RAB11FIP4: variants seen among roughly 807,000 people sequenced by gnomAD.
The protein encoded by RAB11FIP4 is RAB11 family interacting protein 4, also known as rab11 family-interacting protein 4.
Under a neutral mutation model 74.3 loss-of-function variants are expected in RAB11FIP4, and 23 were observed. That is an observed-to-expected ratio of 0.31 (90% confidence interval 0.22 to 0.44). The LOEUF (loss-of-function observed/expected upper bound fraction) is 0.44, where lower values mean the gene tolerates loss of function less well. Among genes scored for constraint, RAB11FIP4 ranks in the 20% least tolerant of loss-of-function variants. The pLI is 1.00. For synonymous variants in RAB11FIP4, 360 were observed against 359.9 expected, an observed-to-expected ratio of 1.00 and a Z score of 0.00; for missense variants, 630 against 863.9, an observed-to-expected ratio of 0.73 and a Z score of 3.39.
At chr17:31,503,421 G>A (rs1223210139) in intron 3 of RAB11FIP4, among the ~76,000 whole-genome samples, 2 of 149,688 alleles carry the variant, frequency 1.3e-5, no homozygotes, top group African/African-American at 5.1e-5. Flanking sequence ...GAATTTTAGA[G>A]GGAACAGGAT....
chr17:31,497,230 G>T (rs2072133839), intron 3 of RAB11FIP4, among the ~76,000 whole-genome samples: 1 of 152,152 alleles, frequency 6.6e-6, no homozygotes, highest in Non-Finnish European at 1.5e-5. Context: ...CCGGCGTGGT[G>T]GCAGGCGCCT....
At chr17:31,475,227 T>C (rs1488777979) in intron 3 of RAB11FIP4, among the ~76,000 whole-genome samples, 2 of 132,064 alleles carry the variant, frequency 1.5e-5, no homozygotes, top group East Asian at 2.3e-4. Context: ...TCACTGGGCA[T>C]GGTCACTGGC....
At chr17:31,407,040 ATTTTTTTTTTTTTTT>A (rs59919036) in intron 1 of RAB11FIP4, among the ~76,000 whole-genome samples, 1 of 51,214 alleles carries the variant, frequency 2.0e-5, no homozygotes, top group East Asian at 5.8e-4. Context: ...GTTTCACTTG[ATTTTTTTTTTTTTTT>A]TTTTTTTTTT....
intron 1 of RAB11FIP4, among the ~76,000 whole-genome samples, chr17:31,403,096 GC>G (rs1226164742): frequency 1.1e-5 from 1 of 92,768 alleles, no homozygotes; most frequent in Non-Finnish European, 2.2e-5. Flanking sequence ...TCACCGCCCC[GC>G]CCCCCCGCCC....
intron 3 of RAB11FIP4, among the ~76,000 whole-genome samples, chr17:31,437,967 G>C (rs779489024): frequency 2.3e-4 from 35 of 152,206 alleles, no homozygotes; most frequent in Non-Finnish European, 1.9e-4. Context: ...GACCCTGGCA[G>C]AGGGAAACTT....
intron 3 of RAB11FIP4, among the ~76,000 whole-genome samples, chr17:31,494,375 C>CTAGTACCTCCCTCACAGGG (rs1215341728): frequency 6.8e-6 from 1 of 146,788 alleles, no homozygotes; most frequent in African/African-American, 2.6e-5. Flanking sequence ...CGTGGTAAGG[C>CTAGTACCTCCCTCACAGGG]TCAAATATGT....
At chr17:31,504,552 G>A (rs2072281935) in intron 3 of RAB11FIP4, among the ~76,000 whole-genome samples, 1 of 152,192 alleles carries the variant, frequency 6.6e-6, no homozygotes, top group Non-Finnish European at 1.5e-5. Flanking sequence ...ACAGGCGTGA[G>A]CCACCGTGCC....
chr17:31,524,903 T>C, intron 9 of RAB11FIP4, 187 bp from the exon 10 acceptor site: 1 of 698,372 alleles, frequency 1.4e-6, no homozygotes, highest in Non-Finnish European at 2.4e-6. Context: ...CTCCATGGCA[T>C]GTGTGACCGA....
chr17:31,449,699 C>T (rs1435743489), intron 3 of RAB11FIP4, among the ~76,000 whole-genome samples: 3 of 152,156 alleles, frequency 2.0e-5, no homozygotes, highest in Non-Finnish European at 2.9e-5. Context: ...CTGCCATCAT[C>T]CCCAGCTATT....
intron 6 of RAB11FIP4, 87 bp downstream of exon 6, chr17:31,522,136 C>A (rs1459278569): frequency 7.9e-5 from 122 of 1,553,104 alleles, no homozygotes; most frequent in Non-Finnish European, 1.0e-4. Context: ...GCGAGGCGAC[C>A]CCTGCTGTCT....
rs2072959740 is a variant in RAB11FIP4 at position 31,536,203 on chromosome 17, A to G, written c.*4471A>G. ...TGCATTAGCAAATTTAAACTTAAAAACTAACTCTAGGCCGGGCACGGTGGC... is the reference window on the plus strand; with the variant it reads ...TGCATTAGCAAATTTAAACTTAAAAGCTAACTCTAGGCCGGGCACGGTGGC... On this transcript the variant is annotated 3_prime_UTR_variant, in exon 15 of 15. Transcript: ENST00000621161. 1 of 152,060 alleles carries G rather than the reference A, an allele frequency of 6.6e-6. No homozygotes were observed. Among genetic ancestry groups the G allele is most frequent in the African/African-American group, 2.4e-5 (1 of 41,358 alleles). The allele number at this position is 152,060 out of a possible 1,614,324, so 9.4% of individuals were successfully genotyped here. A position where few individuals can be genotyped will look rare whatever the true frequency, so the allele number is the denominator to read the frequency against.
chr17:31,466,351 C>T (rs1224578271), intron 3 of RAB11FIP4, among the ~76,000 whole-genome samples: 1 of 152,150 alleles, frequency 6.6e-6, no homozygotes, highest in Non-Finnish European at 1.5e-5. Flanking sequence ...TGTGTTTCTT[C>T]CCCTGTCGGT....
In RAB11FIP4 at chr17:31,537,240, G is replaced by A. The variant is rs539890619; in HGVS notation, c.*5508G>A. 7 of 399,258 alleles carry A rather than the reference G, an allele frequency of 1.8e-5. No individual in the cohort carries two copies. The highest frequency in any genetic ancestry group is 4.4e-5 in the Admixed American group (1 of 22,746). 24.7% of individuals were successfully genotyped at this position (399,258 alleles called of 1,614,324 possible). A position where few individuals can be genotyped will look rare whatever the true frequency, so the allele number is the denominator to read the frequency against. On this transcript the variant is annotated 3_prime_UTR_variant, in exon 15 of 15. Coordinates refer to ENST00000621161, the MANE Select transcript of RAB11FIP4 (RefSeq NM_032932.6). The stretch of plus-strand genomic sequence containing the variant: ...GGCCTTTCCCGAGCCCTGTAAATGT[G>A]TACTTTTTCAACGTGCCTCCCCCAG...
rs557672396 is a variant in RAB11FIP4, at chr17:31,518,454, G to A, written c.563+577G>A. The stretch of plus-strand genomic sequence containing the variant: ...TATGCCAGGCAAGTGGCATGTGCCT[G>A]TAGTCCCAGATACTTGGGAGGCTGA... On this transcript the variant is annotated intron_variant, in intron 4 of 14. Transcript: ENST00000621161. 2.0e-5 allele frequency: 3 copies of A among 150,828 alleles called. No homozygotes were observed. In the East Asian group the frequency reaches 5.9e-4, roughly 30 times the overall value. 9.3% of individuals were successfully genotyped at this position (150,828 alleles called of 1,614,324 possible).
intron 3 of RAB11FIP4, among the ~76,000 whole-genome samples, chr17:31,475,874 G>A (rs912773601): frequency 2.0e-5 from 3 of 151,816 alleles, no homozygotes; most frequent in Non-Finnish European, 4.4e-5. Flanking sequence ...ATGCAAGAAG[G>A]CTGGGACGTG....
chr17:31,442,932 C>T (rs998945744), intron 3 of RAB11FIP4, among the ~76,000 whole-genome samples: 2 of 150,824 alleles, frequency 1.3e-5, no homozygotes, highest in African/African-American at 4.9e-5. Context: ...TGCACTCCAG[C>T]CTGGGCAACA....
chr17:31,445,569 TATATATA>T (rs2071451871), intron 3 of RAB11FIP4, among the ~76,000 whole-genome samples: 3 of 12,064 alleles, frequency 2.5e-4, no homozygotes, highest in African/African-American at 3.3e-4. Context: ...TATATATATA[TATATATA>T]TATTTTTTTT....
chr17:31,420,607 G>A (rs2071189907), intron 1 of RAB11FIP4, among the ~76,000 whole-genome samples: 1 of 149,490 alleles, frequency 6.7e-6, no homozygotes, highest in African/African-American at 2.5e-5. Flanking sequence ...CATCAGTTTT[G>A]TTAATCTTTT....
At chr17:31,448,413 G>GTTTTTTTTTTTTTTTTT in intron 3 of RAB11FIP4, 1 of 29,722 alleles carries the variant, frequency 3.4e-5, no homozygotes, top group Non-Finnish European at 5.8e-5. Flanking sequence ...TTTTTTTTTG[G>GTTTTTTTTTTTTTTTTT]CAGAGACCGG....
Sources: allele counts gnomAD v4.1 joint callset (sites outside exome capture counted in the v4.1 genomes callset), GRCh38; gene constraint gnomAD v4.1.1; transcripts MANE v1.5; gene names NCBI Gene and HGNC (gene_info 2026-07-23, HGNC 2026-07-21).